The following PLCB1 variants were observed in gnomAD, a reference collection of about 807,000 sequenced individuals.
PLCB1 encodes the protein phospholipase C beta 1, also known as 1-phosphatidylinositol 4,5-bisphosphate phosphodiesterase beta-1.
PLCB1 carries 46 observed loss-of-function variants against 161.8 expected under a neutral mutation model. The ratio of observed to expected loss-of-function variants is 0.28; its 90% CI spans 0.22 to 0.36. The LOEUF is 0.36. Ranked by LOEUF, PLCB1 falls within the 10% of genes least tolerant of loss-of-function variation. PLCB1 has a pLI of 1.00. For synonymous variants in PLCB1, 517 were observed against 503.7 expected (o/e 1.03, Z -0.35); for missense variants, 1,016 against 1,472.5 (o/e 0.69, Z 5.07).
intron 3 of PLCB1, among the ~76,000 whole-genome samples, chr20:8,489,136 A>G (rs1982845338): frequency 1.3e-5 from 2 of 152,200 alleles, no homozygotes; most frequent in Admixed American, 1.3e-4. Context: ...AACCCAGAGT[A>G]AAATATAGGT....
intron 31 of PLCB1, among the ~76,000 whole-genome samples, chr20:8,819,078 A>T (rs1454504462): frequency 6.6e-6 from 1 of 152,204 alleles, no homozygotes; most frequent in Non-Finnish European, 1.5e-5. Flanking sequence ...AATTACCAAG[A>T]TGTTTCTGAA....
intron 3 of PLCB1, among the ~76,000 whole-genome samples, chr20:8,440,569 G>A (rs1412247588): frequency 1.3e-5 from 2 of 152,108 alleles, no homozygotes; most frequent in South Asian, 4.2e-4. Flanking sequence ...GTCTTCCCAG[G>A]GCTTACCCAT....
At chr20:8,309,687 G>C (rs1028108925) in intron 2 of PLCB1, among the ~76,000 whole-genome samples, 1 of 152,194 alleles carries the variant, frequency 6.6e-6, no homozygotes, top group Non-Finnish European at 1.5e-5. Context: ...GTTGACAGCA[G>C]TTTTCTTCGG....
chr20:8,303,662 T>G (rs1286264833), intron 2 of PLCB1, among the ~76,000 whole-genome samples: 5 of 152,224 alleles, frequency 3.3e-5, no homozygotes, highest in Non-Finnish European at 7.3e-5. Flanking sequence ...CGAGTGACAC[T>G]TTTCTTCCTT....
intron 2 of PLCB1, among the ~76,000 whole-genome samples, chr20:8,180,630 A>G (rs545354217): frequency 6.6e-6 from 1 of 152,072 alleles, no homozygotes. Context: ...AGGGGCATGT[A>G]ATATACTTTC....
At chr20:8,173,017 G>A (rs2051748087) in intron 2 of PLCB1, among the ~76,000 whole-genome samples, 1 of 152,170 alleles carries the variant, frequency 6.6e-6, no homozygotes, top group Non-Finnish European at 1.5e-5. Flanking sequence ...GATCAGTCGG[G>A]AATTCAGTTA....
At chr20:8,745,620 AATATATG>A (rs1981131130) in intron 23 of PLCB1, among the ~76,000 whole-genome samples, 1 of 151,906 alleles carries the variant, frequency 6.6e-6, no homozygotes, top group African/African-American at 2.4e-5. Flanking sequence ...TTATGTGTAT[AATATATG>A]TATAATATTT....
intron 3 of PLCB1, chr20:8,623,741 A>T (rs1041314103): frequency 6.6e-6 from 1 of 152,218 alleles, no homozygotes; most frequent in Non-Finnish European, 1.5e-5. Context: ...CTTTTGCTCT[A>T]TTTAGAAGAA....
intron 4 of PLCB1, among the ~76,000 whole-genome samples, chr20:8,639,570 C>A (rs1337927451): frequency 6.6e-6 from 1 of 152,220 alleles, no homozygotes; most frequent in Non-Finnish European, 1.5e-5. Context: ...CCAGAACCCT[C>A]CAGCAGGCAT....
At chr20:8,556,350 A>G (rs996154092) in intron 3 of PLCB1, among the ~76,000 whole-genome samples, 10 of 152,108 alleles carry the variant, frequency 6.6e-5, no homozygotes, top group African/African-American at 2.4e-4. Flanking sequence ...TCCAAAACAT[A>G]GAAAGGTAAA....
In PLCB1 at chr20:8,324,309, T is replaced by G. The variant is rs190426902; in HGVS notation, c.178-47073T>G. Among the ~76,000 whole-genome samples the G allele has an allele frequency of 1.3e-3, 192 of 152,132 alleles. 3 individuals carry two copies. The highest frequency in any genetic ancestry group is 5.9e-5 in the Non-Finnish European group (4 of 67,992). On this transcript the variant is annotated intron_variant, in intron 2 of 31. Transcript: ENST00000338037. ...CACTAATTAAATCTAATGAAAGACA[T>G]GTATTCAGTTTTGATATTTTCCGTA... is the stretch of plus-strand genomic sequence containing the variant.
At chr20:8,228,694 TTATTTATC>T (rs1041201176) in intron 2 of PLCB1, among the ~76,000 whole-genome samples, 120 of 151,660 alleles carry the variant, frequency 7.9e-4, no homozygotes, top group African/African-American at 2.8e-3. Flanking sequence ...TTGTATTTAT[TTATTTATC>T]TATTTGTAGA....
chr20:8,714,991 G>C (rs572031429), intron 12 of PLCB1, among the ~76,000 whole-genome samples: 26 of 151,052 alleles, frequency 1.7e-4, no homozygotes, highest in Non-Finnish European at 3.5e-4. Flanking sequence ...TCATGGAAAA[G>C]GGAATGAAAA....
chr20:8,416,958 AC>A (rs1600386601), intron 3 of PLCB1, among the ~76,000 whole-genome samples: 2 of 149,446 alleles, frequency 1.3e-5, no homozygotes, highest in East Asian at 3.9e-4. Context: ...ACACACACAC[AC>A]ACACACACAC....
At chr20:8,717,900 G>GCA (rs1979415889) in intron 14 of PLCB1, 52 bp downstream of exon 14, 1 of 1,526,878 alleles carries the variant, frequency 6.5e-7, no homozygotes, top group African/African-American at 1.4e-5. Context: ...TTTAAGAATT[G>GCA]CTGCTCTGGG....
intron 3 of PLCB1, among the ~76,000 whole-genome samples, chr20:8,434,237 C>G (rs1980198559): frequency 6.6e-6 from 1 of 152,118 alleles, no homozygotes; most frequent in Admixed American, 6.6e-5. Flanking sequence ...AAAATACGGT[C>G]TCTGTTCTAT....
At chr20:8,186,106 T>G (rs563128296) in intron 2 of PLCB1, among the ~76,000 whole-genome samples, 155 of 152,274 alleles carry the variant, frequency 1.0e-3, no homozygotes, top group African/African-American at 3.6e-3. Flanking sequence ...TTTTTTGAGG[T>G]GGAAAAGGAG....
chr20:8,320,853 AAG>A (rs907310040), intron 2 of PLCB1, among the ~76,000 whole-genome samples: 1 of 148,324 alleles, frequency 6.7e-6, no homozygotes, highest in Non-Finnish European at 1.5e-5. Context: ...GAGGGAGGGA[AAG>A]AGAGAGAAAG....
intron 3 of PLCB1, among the ~76,000 whole-genome samples, chr20:8,542,515 A>G (rs1449199272): frequency 1.3e-5 from 2 of 152,206 alleles, no homozygotes; most frequent in Non-Finnish European, 2.9e-5. Context: ...TTTCCTTTTA[A>G]TAATACTTAG....
Sources: allele counts gnomAD v4.1 joint callset (sites outside exome capture counted in the v4.1 genomes callset), GRCh38; gene constraint gnomAD v4.1.1; transcripts MANE v1.5; gene names NCBI Gene and HGNC (gene_info 2026-07-23, HGNC 2026-07-21).